The following ANK1 variants were observed in gnomAD, a reference collection of about 807,000 sequenced individuals.
ANK1 encodes the protein ankyrin 1.
A neutral mutation model predicts 210.4 loss-of-function variants in ANK1; 51 were observed. The ratio of observed to expected loss-of-function variants is 0.24; its 90% CI spans 0.19 to 0.31. The LOEUF is 0.31. Ranked by LOEUF, ANK1 falls within the 10% of genes least tolerant of loss-of-function variation. The pLI is 1.00. For missense variants in ANK1, 2,051 were observed against 2,504.4 expected (o/e 0.82, Z 3.86); for synonymous variants, 967 against 1,025.9 (o/e 0.94, Z 1.10).
rs532848471 is a variant in ANK1 at position 41,664,162 on chromosome 8, T to A, written c.5395-420A>T. 150 of 458,132 alleles carry A rather than the reference T, an allele frequency of 3.3e-4. 1 individual carries two copies. The highest frequency in any genetic ancestry group is 2.8e-3 in the African/African-American group (142 of 50,304). 28.4% of individuals were successfully genotyped at this position (458,132 alleles called of 1,614,324 possible). Reference sequence around the variant, plus strand: ...GACTTGCTTGAAACCCCAGAGCCAGTTGGTGACAGAAACAGGACGATCCGG... The same window carrying A: ...GACTTGCTTGAAACCCCAGAGCCAGATGGTGACAGAAACAGGACGATCCGG... On this transcript the variant is annotated intron_variant, in intron 39 of 42. Transcript: ENST00000289734.
intron 3 of ANK1, among the ~76,000 whole-genome samples, chr8:41,732,489 C>G (rs538141784): frequency 6.6e-6 from 1 of 150,608 alleles, no homozygotes; most frequent in Non-Finnish European, 1.5e-5. Flanking sequence ...CTCGGCTCAC[C>G]GCAACCTCCG....
intron 1 of ANK1, among the ~76,000 whole-genome samples, chr8:41,793,630 C>T (rs1469086574): frequency 2.6e-5 from 4 of 152,178 alleles, no homozygotes; most frequent in East Asian, 3.9e-4. Context: ...ATTCAAGGTT[C>T]CCCTCTATCA....
chr8:41,824,294 CTTATAA>C (rs1490390364), intron 1 of ANK1, among the ~76,000 whole-genome samples: 5 of 152,020 alleles, frequency 3.3e-5, no homozygotes, highest in African/African-American at 1.2e-4. Context: ...CTTAAAAAGT[CTTATAA>C]TTATTATTAT....
intron 1 of ANK1, among the ~76,000 whole-genome samples, chr8:41,868,858 T>G (rs1021095723): frequency 1.3e-5 from 2 of 152,142 alleles, no homozygotes; most frequent in Non-Finnish European, 2.9e-5. Flanking sequence ...TGGGAGACAC[T>G]GCACCCAAGG....
At chr8:41,758,248 C>A in intron 1 of ANK1, 111 bp from the exon 2 acceptor site, 1 of 951,548 alleles carries the variant, frequency 1.1e-6, no homozygotes, top group Non-Finnish European at 1.7e-6. Flanking sequence ...ATGTGGCACC[C>A]TGGTGCCCAC....
chr8:41,810,092 C>T (rs1278826719), intron 1 of ANK1, among the ~76,000 whole-genome samples: 1 of 152,134 alleles, frequency 6.6e-6, no homozygotes. Context: ...CCATCTTTAC[C>T]CCTGACCTGC....
At chr8:41,716,823 AC>A (rs1827810191) in intron 13 of ANK1, 129 bp downstream of exon 13, 1 of 935,258 alleles carries the variant, frequency 1.1e-6, no homozygotes, top group Non-Finnish European at 1.8e-6. Flanking sequence ...GCTCAGAGTG[AC>A]CTGATCAGGA....
intron 5 of ANK1, 79 bp downstream of exon 5, chr8:41,727,171 C>A: frequency 9.0e-7 from 1 of 1,110,196 alleles, no homozygotes; most frequent in Non-Finnish European, 1.4e-6. Context: ...CAAGCCACAT[C>A]CCAGGTAGGT....
intron 42 of ANK1, 147 bp downstream of exon 42, chr8:41,661,283 G>A: frequency 8.1e-7 from 1 of 1,236,508 alleles, no homozygotes; most frequent in Non-Finnish European, 1.1e-6. Flanking sequence ...GCAGGGTTGG[G>A]AAGTGAGAAT....
At chr8:41,877,561 C>T (rs1816817875) in intron 1 of ANK1, among the ~76,000 whole-genome samples, 1 of 152,180 alleles carries the variant, frequency 6.6e-6, no homozygotes, top group African/African-American at 2.4e-5. Flanking sequence ...TTTTGGAAAT[C>T]CAGTTTAGGA....
At chr8:41,776,622 G>A (rs961642290) in intron 1 of ANK1, among the ~76,000 whole-genome samples, 2 of 152,096 alleles carry the variant, frequency 1.3e-5, no homozygotes, top group South Asian at 2.1e-4. Context: ...CCACTTCTTC[G>A]CCTTCATTGG....
chr8:41,772,453 G>T (rs116898928), intron 1 of ANK1, among the ~76,000 whole-genome samples: 4 of 151,908 alleles, frequency 2.6e-5, no homozygotes, highest in Non-Finnish European at 4.4e-5. Flanking sequence ...ATTTCTTCTC[G>T]ACTAAAGCTT....
At chr8:41,681,202 AAATAAAACAAGTTT>A (rs1815885503) in intron 37 of ANK1, among the ~76,000 whole-genome samples, 1 of 152,226 alleles carries the variant, frequency 6.6e-6, no homozygotes, top group African/African-American at 2.4e-5. Context: ...GAATTGAGGG[AAATAAAACAAGTTT>A]TATTTCCAAG....
chr8:41,736,391 G>A (rs913489467), intron 2 of ANK1, among the ~76,000 whole-genome samples: 1 of 152,200 alleles, frequency 6.6e-6, no homozygotes, highest in African/African-American at 2.4e-5. Context: ...AGCTTTTTCA[G>A]GCAGCACACA....
At chr8:41,808,652 C>T (rs191394974) in intron 1 of ANK1, among the ~76,000 whole-genome samples, 23 of 151,868 alleles carry the variant, frequency 1.5e-4, no homozygotes, top group Admixed American at 8.5e-4. Context: ...GGTGACAGAG[C>T]GAGACTCTGT....
intron 16 of ANK1, 108 bp downstream of exon 16, chr8:41,714,048 C>T: frequency 1.3e-6 from 1 of 757,788 alleles, no homozygotes; most frequent in Non-Finnish European, 1.8e-6. Flanking sequence ...AAAATAGCAA[C>T]AGAACGCAAA....
At chr8:41,668,679 A>G (rs1442083699) in intron 38 of ANK1, 115 bp from the exon 39 acceptor site, 1 of 1,194,648 alleles carries the variant, frequency 8.4e-7, no homozygotes, top group Non-Finnish European at 1.2e-6. Flanking sequence ...TGGCTCATCA[A>G]GGACACAGAC....
intron 1 of ANK1, among the ~76,000 whole-genome samples, chr8:41,802,784 T>A (rs951593170): frequency 6.6e-6 from 1 of 151,390 alleles, no homozygotes; most frequent in Non-Finnish European, 1.5e-5. Flanking sequence ...GTGGCTTGCA[T>A]CTGTAGTCCC....
At chr8:41,690,159 G>A (rs1818864363) in intron 33 of ANK1, 68 bp downstream of exon 33, 2 of 1,609,202 alleles carry the variant, frequency 1.2e-6, no homozygotes, top group Admixed American at 1.7e-5. Flanking sequence ...CTGGACCTGG[G>A]GTCTGTTTGG....
Sources: allele counts gnomAD v4.1 joint callset (sites outside exome capture counted in the v4.1 genomes callset), GRCh38; gene constraint gnomAD v4.1.1; transcripts MANE v1.5; gene names NCBI Gene and HGNC (gene_info 2026-07-23, HGNC 2026-07-21).